MYO3B: variants seen among roughly 807,000 people sequenced by gnomAD.
MYO3B encodes the protein myosin-IIIb.
Under a neutral mutation model 174.6 loss-of-function variants are expected in MYO3B, and 156 were observed. The observed-to-expected ratio is 0.89, with a 90% CI of 0.78 to 1.02. MYO3B has a LOEUF of 1.02. MYO3B is among the 50% of genes least tolerant of loss of function. MYO3B has a pLI of 0.00. For missense variants in MYO3B, 1,632 were observed against 1,639.4 expected, an observed-to-expected ratio of 1.00 and a Z score of 0.08; for synonymous variants, 563 against 569.1, an observed-to-expected ratio of 0.99 and a Z score of 0.15.
chr2:170,280,177 A>G (rs1574707605), intron 7 of MYO3B, among the ~76,000 whole-genome samples: 1 of 152,048 alleles, frequency 6.6e-6, no homozygotes, highest in Non-Finnish European at 1.5e-5. Context: ...AGATGGTATC[A>G]CATTGTGGTT....
chr2:170,646,901 C>T lies in MYO3B; in HGVS notation c.3734-4727C>T, dbSNP rs763377462. On this transcript the variant is annotated intron_variant, in intron 32 of 34. Transcript: ENST00000408978. ...TTTCTAACTATATTTCTCTGTCTCT[C>T]GCCTCAGCCTTTCCACATTACGGAT... 26 of 1,356,812 alleles carry T rather than the reference C, an allele frequency of 1.9e-5. No individual in the cohort carries two copies. In the South Asian group the frequency reaches 2.6e-4, roughly 14 times the overall value. The allele number at this position is 1,356,812 out of a possible 1,614,324, so 84.0% of individuals were successfully genotyped here. A position where few individuals can be genotyped will look rare whatever the true frequency, so the allele number is the denominator to read the frequency against.
At chr2:170,523,467 T>A (rs1688805788) in intron 30 of MYO3B, among the ~76,000 whole-genome samples, 1 of 110,826 alleles carries the variant, frequency 9.0e-6, no homozygotes, top group Non-Finnish European at 1.9e-5. Flanking sequence ...GGGGTGGGAG[T>A]AGGGAGGGGT....
chr2:170,531,978 C>T (rs139849329), intron 30 of MYO3B, among the ~76,000 whole-genome samples: 81 of 152,326 alleles, frequency 5.3e-4, no homozygotes, highest in African/African-American at 1.9e-3. Context: ...AAACTATTTG[C>T]ATAGTCTCAG....
At chr2:170,418,696 C>T (rs769061309) in intron 22 of MYO3B, among the ~76,000 whole-genome samples, 5 of 152,168 alleles carry the variant, frequency 3.3e-5, no homozygotes, top group Non-Finnish European at 5.9e-5. Context: ...TTACCTCCAT[C>T]CCCTGGCCCT....
At position 170,426,863 on chromosome 2, in the gene MYO3B, CA is replaced by C. The variant is rs201440974; in HGVS notation, c.2651-17098del. Among the ~76,000 whole-genome samples the C allele has an allele frequency of 7.3e-3, 1,107 of 151,750 alleles. 47 individuals are homozygous for C. The East Asian group carries it at 0.12, about 16-fold the overall frequency. On this transcript the variant is annotated intron_variant, in intron 22 of 34. Coordinates refer to ENST00000408978, the MANE Select transcript of MYO3B (RefSeq NM_138995.5). Reference sequence around the variant, plus strand: ...TGAAACCCCGTCTCTACTAAAAATACAAAAAATTAGCCAGGCGTGGTGGCAT... The same window carrying C: ...TGAAACCCCGTCTCTACTAAAAATACAAAAATTAGCCAGGCGTGGTGGCAT...
intron 17 of MYO3B, 48 bp downstream of exon 17, chr2:170,400,362 T>C: frequency 6.2e-7 from 1 of 1,605,364 alleles, no homozygotes; most frequent in South Asian, 1.1e-5. Context: ...AGCACGTGCT[T>C]CTTTAGGCTC....
At chr2:170,495,565 G>C (rs73025052) in intron 25 of MYO3B, among the ~76,000 whole-genome samples, 9,474 of 143,856 alleles carry the variant, frequency 0.066, 923 homozygotes, top group African/African-American at 0.23. Context: ...TGCCTATTTA[G>C]AAACTAACAG....
intron 7 of MYO3B, among the ~76,000 whole-genome samples, chr2:170,255,458 G>A (rs1559338639): frequency 6.6e-6 from 1 of 152,108 alleles, no homozygotes; most frequent in Non-Finnish European, 1.5e-5. Context: ...CTGTCTACTG[G>A]ATTGCAGCCT....
chr2:170,538,984 T>G (rs1406135464), intron 30 of MYO3B, among the ~76,000 whole-genome samples: 1 of 152,232 alleles, frequency 6.6e-6, no homozygotes, highest in Non-Finnish European at 1.5e-5. Flanking sequence ...ATATCACACT[T>G]CATAAATGAA....
intron 29 of MYO3B, among the ~76,000 whole-genome samples, chr2:170,518,927 T>C (rs1281482151): frequency 6.6e-6 from 1 of 152,230 alleles, no homozygotes. Context: ...TTACCCTCAT[T>C]GTTGAGAAAC....
At chr2:170,217,278 T>C in intron 5 of MYO3B, 41 bp from the exon 6 acceptor site, 1 of 1,568,836 alleles carries the variant, frequency 6.4e-7, no homozygotes, top group Non-Finnish European at 8.8e-7. Flanking sequence ...TCTAGCATCA[T>C]ACTTTGCTCA....
At chr2:170,264,449 TCTA>T (rs774266527) in intron 7 of MYO3B, among the ~76,000 whole-genome samples, 4 of 152,166 alleles carry the variant, frequency 2.6e-5, no homozygotes, top group Non-Finnish European at 5.9e-5. Context: ...TTTGCCACAT[TCTA>T]CTGGTCAGGA....
intron 3 of MYO3B, among the ~76,000 whole-genome samples, chr2:170,202,553 TATGGCAGAACTGGAAGGAAAA>T (rs2092673583): frequency 1.3e-5 from 2 of 152,206 alleles, no homozygotes; most frequent in Admixed American, 1.3e-4. Flanking sequence ...TAATTGGTTG[TATGGCAGAACTGGAAGGAAAA>T]GCATATTTCA....
intron 25 of MYO3B, among the ~76,000 whole-genome samples, chr2:170,474,296 T>C (rs1031436425): frequency 6.6e-6 from 1 of 152,108 alleles, no homozygotes; most frequent in Non-Finnish European, 1.5e-5. Flanking sequence ...TGAGCCTGGA[T>C]CACATGCCCA....
intron 7 of MYO3B, among the ~76,000 whole-genome samples, chr2:170,270,087 G>C (rs527712156): frequency 6.6e-6 from 1 of 152,248 alleles, no homozygotes; most frequent in South Asian, 2.1e-4. Flanking sequence ...TATTTGAATG[G>C]TCATAAACTC....
chr2:170,519,295 A>G, intron 29 of MYO3B, 143 bp from the exon 30 acceptor site: 1 of 588,588 alleles, frequency 1.7e-6, no homozygotes, highest in Non-Finnish European at 3.0e-6. Flanking sequence ...TTTTAATGAC[A>G]TATCCTAGAA....
intron 28 of MYO3B, among the ~76,000 whole-genome samples, chr2:170,504,903 G>A (rs1687524857): frequency 6.6e-6 from 1 of 152,160 alleles, no homozygotes; most frequent in Non-Finnish European, 1.5e-5. Flanking sequence ...ATCGAGGGAG[G>A]GACAGGGCTC....
chr2:170,246,232 C>A (rs1015524896), intron 7 of MYO3B, among the ~76,000 whole-genome samples: 1 of 152,062 alleles, frequency 6.6e-6, no homozygotes, highest in Non-Finnish European at 1.5e-5. Flanking sequence ...AATTCCCACC[C>A]CATGGTTGAT....
chr2:170,624,388 C>T (rs1575275408), intron 32 of MYO3B, among the ~76,000 whole-genome samples: 1 of 152,122 alleles, frequency 6.6e-6, no homozygotes, highest in South Asian at 2.1e-4. Context: ...GTGTATAAGA[C>T]TGCTTGTGAT....
Sources: gnomAD v4.1 joint callset for allele counts (sites outside exome capture counted in the v4.1 genomes callset) on GRCh38, gnomAD v4.1.1 for gene constraint, MANE v1.5 for transcripts, NCBI Gene and HGNC (gene_info 2026-07-23, HGNC 2026-07-21) for gene names.